TMED3: variants seen among roughly 807,000 people sequenced by gnomAD.
TMED3 encodes transmembrane p24 trafficking protein 3.
TMED3 carries 9 observed loss-of-function variants against 15.0 expected under a neutral mutation model. That is an observed-to-expected ratio of 0.60 (90% CI 0.36 to 1.04). The LOEUF (loss-of-function observed/expected upper bound fraction) is 1.04. Ranked by LOEUF, TMED3 falls within the 50% of genes least tolerant of loss-of-function variation. The pLI is 0.01. For missense variants in TMED3, 267 were observed against 278.9 expected (o/e 0.96, Z 0.30); for synonymous variants, 117 against 121.4 (o/e 0.96, Z 0.24).
chr15:79,311,371 T>TC lies in TMED3; in HGVS notation c.124dup (p.His42ProfsTer25), dbSNP rs771823807. ...CTGCCGGACAACGCCAAGCAGTGCT[T>TC]CCACGAGGAGGTGGAGCAGGGCGTG... is the stretch of plus-strand genomic sequence containing the variant. On this transcript the variant is annotated frameshift_variant, in exon 1 of 3. Coordinates refer to ENST00000299705, the MANE Select transcript of TMED3 (RefSeq NM_007364.4). LOFTEE classifies it high-confidence loss of function. The TC allele has an allele frequency of 6.8e-6, 11 of 1,612,150 alleles. No homozygotes were observed. In the South Asian group the frequency reaches 9.9e-5, roughly 15 times the overall value.
intron 2 of TMED3, among the ~76,000 whole-genome samples, chr15:79,374,681 T>C (rs1893396786): frequency 6.6e-6 from 1 of 152,230 alleles, no homozygotes; most frequent in South Asian, 2.1e-4. Context: ...CCAAATTGTC[T>C]ACCTGATTAA....
At chr15:79,410,784 G>A (rs983928112) in intron 2 of TMED3, among the ~76,000 whole-genome samples, 6 of 151,788 alleles carry the variant, frequency 4.0e-5, no homozygotes, top group Admixed American at 2.0e-4. Flanking sequence ...ATGAAAGTTG[G>A]CAGCAACCTC....
chr15:79,330,669 A>G (rs1273205431), intron 2 of TMED3, among the ~76,000 whole-genome samples: 1 of 152,188 alleles, frequency 6.6e-6, no homozygotes, highest in Non-Finnish European at 1.5e-5. Flanking sequence ...TTTCTCAGAA[A>G]TATTTTTAAA....
rs1343335011 is a variant in TMED3, at chr15:79,322,082, C to A, written c.522C>A (p.Asp174Glu). Residue 174 changes from aspartate to glutamate, a missense_variant, in exon 3 of 3, where the codon GAC becomes GAA. This residue lies in a region of TMED3 where 139 missense variants were observed against 125.0 expected (regional missense o/e 1.11). Coordinates refer to ENST00000299705, the MANE Select transcript of TMED3 (RefSeq NM_007364.4). ...REAQDRARAE[D>E]LNSRVSYWSV... ...CCCAGGACCGGGCCCGAGCAGAAGA[C>A]CTTAATAGCCGAGTCTCTTACTGGT... is the stretch of plus-strand genomic sequence containing the variant. 6.2e-7 allele frequency: 1 copy of A among 1,614,188 alleles called. No homozygotes were observed. Among genetic ancestry groups the A allele is most frequent in the Non-Finnish European group, 8.5e-7 (1 of 1,180,046 alleles).
intron 2 of TMED3, among the ~76,000 whole-genome samples, chr15:79,380,596 T>TAGAG (rs1325827135): frequency 0.02 from 2,896 of 145,000 alleles, 106 homozygotes; most frequent in African/African-American, 0.07. Flanking sequence ...TATATATATA[T>TAGAG]ATATAGAGAG....
intron 2 of TMED3, among the ~76,000 whole-genome samples, chr15:79,344,284 G>A (rs1033692503): frequency 5.3e-5 from 8 of 152,196 alleles, no homozygotes; most frequent in Non-Finnish European, 8.8e-5. Context: ...TGGTGTTGGC[G>A]TCCTAGGATT....
chr15:79,323,954 G>A (rs79662737), downstream of TMED3, among the ~76,000 whole-genome samples: 2 of 152,262 alleles, frequency 1.3e-5, no homozygotes, highest in South Asian at 2.1e-4. Flanking sequence ...GATCAATTAG[G>A]TACTAATAAC....
At chr15:79,384,092 G>A (rs950398373) in intron 2 of TMED3, 1 of 152,246 alleles carries the variant, frequency 6.6e-6, no homozygotes. Flanking sequence ...GGTGTGACCT[G>A]AGCTGGCTCA....
chr15:79,340,539 A>G (rs1484434097), intron 2 of TMED3, among the ~76,000 whole-genome samples: 1 of 152,236 alleles, frequency 6.6e-6, no homozygotes, highest in African/African-American at 2.4e-5. Context: ...GAAGTGCCAA[A>G]AAATTTTGAG....
exon 3 of TMED3, chr15:79,411,412 G>C (rs1487383671): frequency 5.7e-6 from 4 of 702,408 alleles, no homozygotes; most frequent in Non-Finnish European, 7.8e-6. Flanking sequence ...ATTCAGAGGA[G>C]CTTATTGGAA....
chr15:79,391,994 C>G lies in TMED3; in HGVS notation c.418-19406C>G, dbSNP rs552516578. On this transcript the variant is annotated intron_variant, in intron 2 of 2. Transcript: ENST00000424155. ...TTGTCCTTATGTGTTAGGTGTGTCT[C>G]TTGAAGGCAGAAGATAGTTTGTTGG... Among the ~76,000 whole-genome samples, 11 of 152,262 alleles carry G rather than the reference C, an allele frequency of 7.2e-5. No homozygotes were observed. In the East Asian group the frequency reaches 2.1e-3, roughly 29 times the overall value.
intron 2 of TMED3, among the ~76,000 whole-genome samples, chr15:79,387,594 G>GCACACACACACA (rs60358297): frequency 2.7e-4 from 41 of 149,408 alleles, no homozygotes; most frequent in African/African-American, 9.2e-4. Context: ...ACATGCACCT[G>GCACACACACACA]CACACACACA....
chr15:79,391,853 T>A (rs1893699903), intron 2 of TMED3, among the ~76,000 whole-genome samples: 1 of 152,242 alleles, frequency 6.6e-6, no homozygotes, highest in Non-Finnish European at 1.5e-5. Context: ...TTGTCCTTTT[T>A]AACTGCTGTT....
chr15:79,320,972 C>G (rs1237570249), intron 2 of TMED3, among the ~76,000 whole-genome samples: 1 of 152,126 alleles, frequency 6.6e-6, no homozygotes, highest in East Asian at 1.9e-4. Context: ...ACTGAGGTCC[C>G]CATTTCCTTG....
At chr15:79,376,305 AT>A (rs1240234743) in intron 2 of TMED3, among the ~76,000 whole-genome samples, 1 of 150,004 alleles carries the variant, frequency 6.7e-6, no homozygotes, top group African/African-American at 2.4e-5. Flanking sequence ...AGCTTTTGGC[AT>A]TCTTGGGTAA....
intron 2 of TMED3, among the ~76,000 whole-genome samples, chr15:79,352,855 A>G (rs2058896893): frequency 8.5e-6 from 1 of 117,270 alleles, no homozygotes; most frequent in African/African-American, 3.1e-5. Flanking sequence ...TAAAATATAC[A>G]TATAAAATAT....
At chr15:79,318,262 C>T (rs2058749860) in intron 2 of TMED3, among the ~76,000 whole-genome samples, 1 of 152,182 alleles carries the variant, frequency 6.6e-6, no homozygotes, top group Non-Finnish European at 1.5e-5. Flanking sequence ...GCTGTTTATA[C>T]TGCATTCTAG....
At chr15:79,369,031 T>G (rs1375579288) in intron 2 of TMED3, among the ~76,000 whole-genome samples, 1 of 151,292 alleles carries the variant, frequency 6.6e-6, no homozygotes, top group Non-Finnish European at 1.5e-5. Flanking sequence ...GGAGGTCAGG[T>G]TGCAGTGAGC....
At chr15:79,388,939 G>GT (rs1399555474) in intron 2 of TMED3, among the ~76,000 whole-genome samples, 4 of 123,368 alleles carry the variant, frequency 3.2e-5, no homozygotes, top group Non-Finnish European at 7.5e-5. Context: ...TGATGAGATT[G>GT]TTTTTTTTCT....
Sources: gnomAD v4.1 joint callset for allele counts (sites outside exome capture counted in the v4.1 genomes callset) on GRCh38, gnomAD v4.1.1 for gene constraint, gnomAD v4.1.1 regional missense constraint, MANE v1.5 for transcripts, NCBI Gene and HGNC (gene_info 2026-07-23, HGNC 2026-07-21) for gene names.